Variants in LAMA2 observed in about 807,000 individuals in gnomAD.
The protein encoded by LAMA2 is laminin subunit alpha 2, also known as laminin subunit alpha-2.
In LAMA2, 269 loss-of-function variants were observed where a neutral mutation model predicts 364.8. The observed-to-expected ratio is 0.74, with a 90% confidence interval of 0.67 to 0.82. LAMA2 has a LOEUF of 0.82. Among genes scored for constraint, LAMA2 ranks in the 40% least tolerant of loss-of-function variants. LAMA2 has a pLI of 0.00. For missense variants in LAMA2, 3,807 were observed against 3,873.2 expected (o/e 0.98, Z 0.45); for synonymous variants, 1,379 against 1,370.6 (o/e 1.01, Z -0.14).
At chr6:129,310,765 C>G (rs1179271025) in intron 22 of LAMA2, among the ~76,000 whole-genome samples, 1 of 152,090 alleles carries the variant, frequency 6.6e-6, no homozygotes, top group Non-Finnish European at 1.5e-5. Context: ...GAGTTAAGGG[C>G]TAAGAGAGGG....
At chr6:129,516,166 G>A (rs1188310782) in intron 64 of LAMA2, 24 bp from the exon 65 acceptor site, 3 of 1,613,596 alleles carry the variant, frequency 1.9e-6, no homozygotes, top group Non-Finnish European at 2.5e-6. Flanking sequence ...TCAAAGCTGA[G>A]CCCTCTTGCA....
intron 22 of LAMA2, among the ~76,000 whole-genome samples, chr6:129,308,467 A>T (rs1034722707): frequency 1.3e-5 from 2 of 152,234 alleles, no homozygotes; most frequent in East Asian, 1.9e-4. Context: ...GATAAAATAC[A>T]TTCCAAGTTT....
rs1394365840 is a variant in LAMA2 at position 129,265,673 on chromosome 6, C to G, written c.2209-1433C>G. Among the ~76,000 whole-genome samples, 4 of 147,778 alleles carry G rather than the reference C, an allele frequency of 2.7e-5. 1 individual carries two copies. Among genetic ancestry groups the G allele is most frequent in the Admixed American group, 1.4e-4 (2 of 14,684 alleles). ...TTGTGGGGGTTGAAAAATGAGAACACATGGACACAGGGAGGGGAACATTAT... is the reference window on the plus strand; with the variant it reads ...TTGTGGGGGTTGAAAAATGAGAACAGATGGACACAGGGAGGGGAACATTAT... On this transcript the variant is annotated intron_variant, in intron 15 of 64. Coordinates refer to ENST00000421865, the MANE Select transcript of LAMA2 (RefSeq NM_000426.4).
chr6:129,339,871 C>T (rs1232225263), intron 29 of LAMA2, among the ~76,000 whole-genome samples: 1 of 151,996 alleles, frequency 6.6e-6, no homozygotes, highest in Non-Finnish European at 1.5e-5. Flanking sequence ...GGCATGGTTA[C>T]GCATGCCTGT....
chr6:129,463,390 C>T (rs988309069), intron 49 of LAMA2, among the ~76,000 whole-genome samples: 3 of 151,858 alleles, frequency 2.0e-5, no homozygotes, highest in Non-Finnish European at 4.4e-5. Context: ...CAATTCAAAG[C>T]CAGACTTACC....
intron 34 of LAMA2, among the ~76,000 whole-genome samples, chr6:129,377,048 G>A (rs899955289): frequency 3.9e-5 from 6 of 151,962 alleles, no homozygotes; most frequent in African/African-American, 1.4e-4. Flanking sequence ...CATTTATTTT[G>A]CACTCTTTAA....
chr6:129,392,846 C>CTTTTATTTTA (rs1430560392), intron 36 of LAMA2, among the ~76,000 whole-genome samples, 199 bp from the exon 37 acceptor site: 12 of 152,106 alleles, frequency 7.9e-5, no homozygotes, highest in African/African-American at 2.7e-4. Context: ...ATCTGTTTCG[C>CTTTTATTTTA]TTTTATTTTA....
At chr6:128,963,099 T>A (rs1562874972) in intron 1 of LAMA2, among the ~76,000 whole-genome samples, 2 of 152,272 alleles carry the variant, frequency 1.3e-5, no homozygotes, top group Non-Finnish European at 1.5e-5. Context: ...ATGGCCTTCT[T>A]CTGGTACGGT....
intron 12 of LAMA2, among the ~76,000 whole-genome samples, chr6:129,244,627 C>T (rs1440745676): frequency 6.6e-6 from 1 of 151,990 alleles, no homozygotes; most frequent in Non-Finnish European, 1.5e-5. Flanking sequence ...CCAAATGTTC[C>T]AGGCTTATTT....
chr6:129,071,822 T>C (rs1000001083), intron 3 of LAMA2, among the ~76,000 whole-genome samples: 2 of 152,172 alleles, frequency 1.3e-5, no homozygotes, highest in South Asian at 4.1e-4. Context: ...ATCCAACATA[T>C]GGCAGTGACT....
chr6:129,260,684 C>T (rs1413531607), intron 14 of LAMA2, 27 bp from the exon 15 acceptor site: 1 of 1,355,850 alleles, frequency 7.4e-7, no homozygotes, highest in Non-Finnish European at 1.1e-6. Context: ...TTTACTTATT[C>T]ACCATCTCTT....
chr6:129,178,542 G>A (rs532479083), intron 10 of LAMA2, among the ~76,000 whole-genome samples: 140 of 152,246 alleles, frequency 9.2e-4, no homozygotes, highest in Non-Finnish European at 1.5e-3. Flanking sequence ...TTTACCTATA[G>A]TAATGAGTTC....
intron 41 of LAMA2, among the ~76,000 whole-genome samples, chr6:129,433,473 T>G (rs1043432596): frequency 1.3e-5 from 2 of 152,194 alleles, no homozygotes. Flanking sequence ...CAGTCACTTA[T>G]GCCTGTAATC....
intron 1 of LAMA2, among the ~76,000 whole-genome samples, chr6:128,944,464 A>G (rs577997903): frequency 6.6e-6 from 1 of 152,234 alleles, no homozygotes; most frequent in African/African-American, 2.4e-5. Context: ...CCATTCTTGC[A>G]TTGCTAAAAT....
At chr6:129,078,372 T>C (rs1303757781) in intron 3 of LAMA2, among the ~76,000 whole-genome samples, 1 of 152,088 alleles carries the variant, frequency 6.6e-6, no homozygotes, top group African/African-American at 2.4e-5. Context: ...TGACCTTAAG[T>C]GGTCTGCCCA....
intron 12 of LAMA2, among the ~76,000 whole-genome samples, chr6:129,224,036 A>C (rs1398701318): frequency 6.6e-6 from 1 of 152,178 alleles, no homozygotes; most frequent in East Asian, 1.9e-4. Flanking sequence ...AGTAATTTGC[A>C]GTTCTCCTTG....
intron 3 of LAMA2, among the ~76,000 whole-genome samples, chr6:129,060,760 A>G (rs1161298047): frequency 3.9e-5 from 6 of 152,218 alleles, no homozygotes; most frequent in Non-Finnish European, 2.9e-5. Context: ...TGCCACCAGC[A>G]TGAGTACAAT....
At chr6:129,387,609 G>A (rs542449522) in intron 35 of LAMA2, among the ~76,000 whole-genome samples, 3 of 152,272 alleles carry the variant, frequency 2.0e-5, no homozygotes, top group African/African-American at 7.2e-5. Flanking sequence ...TATACAGTAT[G>A]TTTATTGCAA....
At chr6:129,445,961 G>C in intron 45 of LAMA2, 140 bp downstream of exon 45, 1 of 751,956 alleles carries the variant, frequency 1.3e-6, no homozygotes, top group South Asian at 1.6e-5. Flanking sequence ...GGGTAGGAGG[G>C]GTTGGAGTGG....
Sources: allele counts gnomAD v4.1 joint callset (sites outside exome capture counted in the v4.1 genomes callset), GRCh38; gene constraint gnomAD v4.1.1; transcripts MANE v1.5; gene names NCBI Gene and HGNC (gene_info 2026-07-23, HGNC 2026-07-21).